The following HECW1 variants were observed in gnomAD, a reference collection of about 807,000 sequenced individuals.
HECW1 encodes HECT, C2 and WW domain containing E3 ubiquitin protein ligase 1.
Under a neutral mutation model 182.3 loss-of-function variants are expected in HECW1, and 61 were observed. That is an observed-to-expected ratio of 0.33 (90% confidence interval 0.27 to 0.41). The LOEUF (loss-of-function observed/expected upper bound fraction) is 0.41, where lower values mean the gene tolerates loss of function less well. Among genes scored for constraint, HECW1 ranks in the 10% least tolerant of loss-of-function variants. The pLI is 1.00. For synonymous variants in HECW1, 859 were observed against 832.6 expected, an observed-to-expected ratio of 1.03 and a Z score of -0.55; for missense variants, 1,739 against 2,108.9, an observed-to-expected ratio of 0.82 and a Z score of 3.44.
At chr7:43,480,968 C>T (rs2078412408) in intron 17 of HECW1, among the ~76,000 whole-genome samples, 1 of 152,192 alleles carries the variant, frequency 6.6e-6, no homozygotes, top group Non-Finnish European at 1.5e-5. Context: ...CAGTGGCACT[C>T]ATGGCTTAAT....
At chr7:43,361,866 CG>C (rs1815973434) in intron 6 of HECW1, among the ~76,000 whole-genome samples, 1 of 129,016 alleles carries the variant, frequency 7.8e-6, no homozygotes, top group Non-Finnish European at 1.6e-5. Flanking sequence ...ACAGGCCAGG[CG>C]CAGTGGCTCA....
rs185453284 is a variant in HECW1, at chr7:43,544,330, G to A, written c.4248+2332G>A. Among the ~76,000 whole-genome samples, 779 of 152,210 alleles carry A rather than the reference G, an allele frequency of 5.1e-3. 8 individuals carry two copies. Among genetic ancestry groups the A allele is most frequent in the South Asian group, 6.8e-3 (33 of 4,818 alleles). ...TATCAGTCAACAACCTAATAGAAAA[G>A]TCACAAAGAATATAGATAGTTCCCA... is the stretch of plus-strand genomic sequence containing the variant. On this transcript the variant is annotated intron_variant, in intron 26 of 29. Coordinates refer to ENST00000395891, the MANE Select transcript of HECW1 (RefSeq NM_015052.5).
intron 5 of HECW1, among the ~76,000 whole-genome samples, chr7:43,329,107 C>A (rs1205833320): frequency 6.6e-6 from 1 of 151,908 alleles, no homozygotes; most frequent in Non-Finnish European, 1.5e-5. Context: ...GACCTTGGGG[C>A]AAAGACCTAA....
intron 3 of HECW1, among the ~76,000 whole-genome samples, chr7:43,281,822 A>G (rs2152748334): frequency 6.8e-6 from 1 of 147,766 alleles, no homozygotes; most frequent in Non-Finnish European, 1.5e-5. Context: ...TAGCCTCCCA[A>G]GTAGCTGGGA....
chr7:43,398,353 C>G (rs2075299130), intron 7 of HECW1, among the ~76,000 whole-genome samples: 1 of 152,214 alleles, frequency 6.6e-6, no homozygotes, highest in African/African-American at 2.4e-5. Flanking sequence ...TTCACACACT[C>G]AATCCCACCC....
chr7:43,215,872 G>T (rs1562686766), intron 2 of HECW1, among the ~76,000 whole-genome samples: 1 of 152,174 alleles, frequency 6.6e-6, no homozygotes, highest in Non-Finnish European at 1.5e-5. Context: ...TCTCTCTGTA[G>T]CTTTGTTCTG....
At chr7:43,232,916 A>T (rs181603915) in intron 2 of HECW1, among the ~76,000 whole-genome samples, 1 of 152,182 alleles carries the variant, frequency 6.6e-6, no homozygotes, top group Non-Finnish European at 1.5e-5. Flanking sequence ...AAAAATATTC[A>T]TGGAACATTG....
chr7:43,128,047 T>C (rs1786475597), intron 2 of HECW1, among the ~76,000 whole-genome samples: 1 of 152,010 alleles, frequency 6.6e-6, no homozygotes, highest in African/African-American at 2.4e-5. Flanking sequence ...TTGGGCTAAT[T>C]TTTTGATTTT....
intron 6 of HECW1, among the ~76,000 whole-genome samples, chr7:43,372,990 AC>A (rs1453156662): frequency 6.6e-6 from 1 of 152,142 alleles, no homozygotes; most frequent in Non-Finnish European, 1.5e-5. Context: ...CAATACTGAA[AC>A]CCATGATTTA....
Position 43,192,263 on chromosome 7 carries a change from C to T in HECW1, c.-31-51612C>T, listed in dbSNP as rs189562460. 3.8e-3 allele frequency among the ~76,000 whole-genome samples: 582 copies of T among 152,250 alleles called. 3 individuals are homozygous for T. The highest frequency in any genetic ancestry group is 0.013 in the African/African-American group (549 of 41,550). On this transcript the variant is annotated intron_variant, in intron 2 of 29. Transcript: ENST00000395891. ...CGTGAGCCACCACGCCTGGCAAGAC[C>T]TAGTATTAATAGATCAGTAGGGTGA...
intron 5 of HECW1, among the ~76,000 whole-genome samples, chr7:43,344,280 A>G (rs1474750551): frequency 1.4e-4 from 21 of 151,750 alleles, no homozygotes; most frequent in Admixed American, 9.2e-4. Flanking sequence ...CCATTTGCCT[A>G]TTTTGGCTTT....
intron 2 of HECW1, among the ~76,000 whole-genome samples, chr7:43,194,674 G>A (rs1365393395): frequency 2.0e-5 from 3 of 151,758 alleles, no homozygotes; most frequent in Non-Finnish European, 4.4e-5. Context: ...CTTCAACAGA[G>A]GGGGAAGGAG....
At chr7:43,545,960 C>T (rs2081542835) in intron 26 of HECW1, among the ~76,000 whole-genome samples, 1 of 152,074 alleles carries the variant, frequency 6.6e-6, no homozygotes, top group Non-Finnish European at 1.5e-5. Flanking sequence ...GCTTTAGTTT[C>T]AGTGCCCATA....
chr7:43,382,174 T>C (rs2074581214), intron 6 of HECW1, among the ~76,000 whole-genome samples: 1 of 152,044 alleles, frequency 6.6e-6, no homozygotes, highest in South Asian at 2.1e-4. Context: ...TAGTCCCAGC[T>C]GCTCGGGAGG....
At chr7:43,455,396 G>A (rs1358868738) in intron 12 of HECW1, among the ~76,000 whole-genome samples, 2 of 152,162 alleles carry the variant, frequency 1.3e-5, no homozygotes, top group Non-Finnish European at 2.9e-5. Flanking sequence ...AGTTTACTAA[G>A]TATAAGACAG....
At chr7:43,170,630 T>C (rs1329674417) in intron 2 of HECW1, among the ~76,000 whole-genome samples, 1 of 152,140 alleles carries the variant, frequency 6.6e-6, no homozygotes, top group Non-Finnish European at 1.5e-5. Context: ...GGGGTTGCAT[T>C]TGAAAGGGCC....
At chr7:43,267,206 ATACAATTAGC>A (rs1271560236) in intron 3 of HECW1, among the ~76,000 whole-genome samples, 5 of 152,216 alleles carry the variant, frequency 3.3e-5, no homozygotes, top group African/African-American at 1.2e-4. Context: ...TAAAGCATCT[ATACAATTAGC>A]AATATACTAC....
At chr7:43,235,327 C>A (rs376062168) in intron 2 of HECW1, among the ~76,000 whole-genome samples, 1 of 152,186 alleles carries the variant, frequency 6.6e-6, no homozygotes, top group African/African-American at 2.4e-5. Flanking sequence ...GTCCTCCCAG[C>A]CTGCACTTCA....
At chr7:43,474,948 G>T (rs957182916) in intron 16 of HECW1, among the ~76,000 whole-genome samples, 1 of 152,174 alleles carries the variant, frequency 6.6e-6, no homozygotes, top group Non-Finnish European at 1.5e-5. Context: ...GAGATAGAAA[G>T]TAGATCAGAG....
Sources: gnomAD v4.1 joint callset for allele counts (sites outside exome capture counted in the v4.1 genomes callset) on GRCh38, gnomAD v4.1.1 for gene constraint, MANE v1.5 for transcripts, NCBI Gene and HGNC (gene_info 2026-07-23, HGNC 2026-07-21) for gene names.